The following SPSB4 variants were observed in gnomAD, a reference collection of about 807,000 sequenced individuals.
The protein encoded by SPSB4 is splA/ryanodine receptor domain and SOCS box containing 4, also known as SPRY domain-containing SOCS box protein 4.
A neutral mutation model predicts 20.9 loss-of-function variants in SPSB4; 21 were observed. The observed-to-expected ratio is 1.01, with a 90% CI of 0.71 to 1.45. SPSB4 has a LOEUF of 1.45. Ranked by LOEUF, SPSB4 falls within the 40% of genes most tolerant of loss-of-function variation. The probability of loss-of-function intolerance (pLI) is 0.00; values close to 1 mark genes in which losing one functional copy is unlikely to be tolerated. For missense variants in SPSB4, 399 were observed against 399.2 expected (o/e 1.00, Z 0.00); for synonymous variants, 207 against 183.8 (o/e 1.13, Z -1.02).
intron 2 of SPSB4, among the ~76,000 whole-genome samples, chr3:141,111,824 C>T (rs962069541): frequency 2.6e-5 from 4 of 152,116 alleles, no homozygotes; most frequent in Non-Finnish European, 5.9e-5. Context: ...CCCCTTCCAT[C>T]GGGCAAGAGT....
At chr3:141,070,482 C>A (rs1165793260) in intron 2 of SPSB4, among the ~76,000 whole-genome samples, 1 of 151,962 alleles carries the variant, frequency 6.6e-6, no homozygotes, top group Non-Finnish European at 1.5e-5. Flanking sequence ...AAGGATATGC[C>A]ACCACTCCTG....
intron 2 of SPSB4, among the ~76,000 whole-genome samples, chr3:141,085,450 A>G (rs1395170917): frequency 6.6e-6 from 1 of 152,042 alleles, no homozygotes; most frequent in East Asian, 1.9e-4. Flanking sequence ...TAGGTACCTC[A>G]TTGTCTGGAA....
rs116409626 is a variant in SPSB4 at position 141,080,791 on chromosome 3, A to G, written c.694+13993A>G. 3.9e-3 allele frequency among the ~76,000 whole-genome samples: 598 copies of G among 152,364 alleles called. 5 individuals are homozygous for G. Among genetic ancestry groups the G allele is most frequent in the Non-Finnish European group, 5.0e-3 (339 of 68,038 alleles). ...TTGGATATTTAAGGTGTTCTGCCAC[A>G]GTGGACTGTTCAGATATGTGAAAGT... is the stretch of plus-strand genomic sequence containing the variant. On this transcript the variant is annotated intron_variant, in intron 2 of 2. Coordinates refer to ENST00000310546, the MANE Select transcript of SPSB4 (RefSeq NM_080862.3).
chr3:141,096,693 A>G (rs1219160276), intron 2 of SPSB4, among the ~76,000 whole-genome samples: 1 of 152,240 alleles, frequency 6.6e-6, no homozygotes, highest in African/African-American at 2.4e-5. Flanking sequence ...AGCATCCTAC[A>G]TTAAACATAA....
At chr3:141,083,721 T>G (rs1938283957) in intron 2 of SPSB4, among the ~76,000 whole-genome samples, 1 of 152,146 alleles carries the variant, frequency 6.6e-6, no homozygotes. Context: ...AAAGTCCTCT[T>G]TAATGACCTT....
At chr3:141,105,139 G>A (rs750695486) in intron 2 of SPSB4, among the ~76,000 whole-genome samples, 4 of 152,170 alleles carry the variant, frequency 2.6e-5, no homozygotes, top group Non-Finnish European at 5.9e-5. Context: ...CACAGGTGAG[G>A]CCAGAAAGGC....
intron 2 of SPSB4, among the ~76,000 whole-genome samples, chr3:141,108,516 G>A (rs2107797508): frequency 6.6e-6 from 1 of 152,334 alleles, no homozygotes; most frequent in South Asian, 2.1e-4. Context: ...AGCCACCTGG[G>A]ATAGATGTTC....
intron 2 of SPSB4, among the ~76,000 whole-genome samples, chr3:141,139,868 C>T (rs902240406): frequency 3.9e-5 from 6 of 152,054 alleles, no homozygotes; most frequent in Admixed American, 6.6e-5. Context: ...TTCCTGAATT[C>T]GAATGTTGGC....
At chr3:141,078,387 G>A (rs2107785326) in intron 2 of SPSB4, among the ~76,000 whole-genome samples, 1 of 152,314 alleles carries the variant, frequency 6.6e-6, no homozygotes. Flanking sequence ...GGAATGCCTG[G>A]CTGGAAGGAG....
intron 2 of SPSB4, among the ~76,000 whole-genome samples, chr3:141,082,408 T>C (rs1282930760): frequency 6.6e-6 from 1 of 152,176 alleles, no homozygotes; most frequent in Non-Finnish European, 1.5e-5. Flanking sequence ...GATTGTCTGC[T>C]ACACTCTAGC....
Position 141,066,110 on chromosome 3 carries a change from C to A in SPSB4, c.6C>A (p.Gly2=). Residue 2 remains glycine, a synonymous_variant, in exon 2 of 3, where the codon GGC becomes GGA. Coordinates refer to ENST00000310546, the MANE Select transcript of SPSB4 (RefSeq NM_080862.3). ...CCTCCTCCCCGCAGTGAAGCATGGGCCAGAAGCTCTCGGGGAGCCTCAAGT... is the reference window on the plus strand; with the variant it reads ...CCTCCTCCCCGCAGTGAAGCATGGGACAGAAGCTCTCGGGGAGCCTCAAGT... M[G]QKLSGSLKSV... The A allele has an allele frequency of 4.6e-6, 7 of 1,526,600 alleles. No individual in the cohort carries two copies. The highest frequency in any genetic ancestry group is 6.1e-6 in the Non-Finnish European group (7 of 1,140,864). 94.6% of individuals were successfully genotyped at this position (1,526,600 alleles called of 1,614,324 possible).
At chr3:141,057,157 C>A (rs1228407027) in intron 1 of SPSB4, among the ~76,000 whole-genome samples, 1 of 152,222 alleles carries the variant, frequency 6.6e-6, no homozygotes. Context: ...CTTGCCCAGC[C>A]AGTTGTAGCC....
chr3:141,059,301 A>G (rs1377234855), intron 1 of SPSB4, among the ~76,000 whole-genome samples: 1 of 152,166 alleles, frequency 6.6e-6, no homozygotes, highest in African/African-American at 2.4e-5. Flanking sequence ...CCATTTTTGC[A>G]TTGCTATAAA....
At chr3:141,142,637 G>A (rs766821378) in intron 2 of SPSB4, among the ~76,000 whole-genome samples, 2 of 151,990 alleles carry the variant, frequency 1.3e-5, no homozygotes. Flanking sequence ...TGTCAGTGGA[G>A]CATTGAAGTC....
chr3:141,067,365 C>T (rs970607402), intron 2 of SPSB4, among the ~76,000 whole-genome samples: 4 of 152,332 alleles, frequency 2.6e-5, no homozygotes, highest in Middle Eastern at 3.4e-3. Flanking sequence ...GGGACAGCTG[C>T]CTCTTATCTC....
intron 2 of SPSB4, among the ~76,000 whole-genome samples, chr3:141,121,912 C>T (rs901283569): frequency 6.6e-6 from 1 of 152,196 alleles, no homozygotes; most frequent in Non-Finnish European, 1.5e-5. Context: ...AAGCCTACTT[C>T]TGTCAACTTG....
intron 2 of SPSB4, among the ~76,000 whole-genome samples, chr3:141,095,100 A>G (rs917982785): frequency 1.4e-4 from 21 of 151,868 alleles, no homozygotes; most frequent in African/African-American, 4.8e-4. Context: ...TCCCTATTTG[A>G]GTTAGAGGTG....
Position 141,103,830 on chromosome 3 carries a change from CTT to C in SPSB4, c.694+37045_694+37046del, listed in dbSNP as rs398062861. Among the ~76,000 whole-genome samples the C allele has an allele frequency of 9.4e-3, 1,356 of 144,182 alleles. 25 individuals are homozygous for C. The highest frequency in any genetic ancestry group is 0.033 in the African/African-American group (1,297 of 39,562). The allele number at this position is 144,182 out of a possible 152,430, so 94.6% of individuals were successfully genotyped here. A position where few individuals can be genotyped will look rare whatever the true frequency, so the allele number is the denominator to read the frequency against. On this transcript the variant is annotated intron_variant, in intron 2 of 2. Transcript: ENST00000310546. ...GCAAGGTTGTAGTACCAAAAATGAC[CTT>C]TTTTTTTTTTTTCCTTCTAATTCTG... is the stretch of plus-strand genomic sequence containing the variant.
At chr3:141,123,716 C>T (rs1939006971) in intron 2 of SPSB4, among the ~76,000 whole-genome samples, 1 of 152,202 alleles carries the variant, frequency 6.6e-6, no homozygotes. Context: ...TCTTTCAGTA[C>T]CCATAGGGGC....
Sources: allele counts gnomAD v4.1 joint callset (sites outside exome capture counted in the v4.1 genomes callset), GRCh38; gene constraint gnomAD v4.1.1; transcripts MANE v1.5; gene names NCBI Gene and HGNC (gene_info 2026-07-23, HGNC 2026-07-21).